GDPD5: variants seen among roughly 807,000 people sequenced by gnomAD.
The protein encoded by GDPD5 is glycerophosphodiester phosphodiesterase 2.
Under a neutral mutation model 75.1 loss-of-function variants are expected in GDPD5, and 48 were observed. The observed-to-expected ratio is 0.64, with a 90% CI of 0.51 to 0.81. The LOEUF (loss-of-function observed/expected upper bound fraction) is 0.81. Ranked by LOEUF, GDPD5 falls within the 40% of genes least tolerant of loss-of-function variation. GDPD5 has a pLI of 0.00. For synonymous variants in GDPD5, 336 were observed against 339.0 expected, an observed-to-expected ratio of 0.99 and a Z score of 0.10; for missense variants, 706 against 822.6, an observed-to-expected ratio of 0.86 and a Z score of 1.73.
chr11:75,471,042 A>G (rs189599936), intron 3 of GDPD5, among the ~76,000 whole-genome samples: 13 of 152,360 alleles, frequency 8.5e-5, no homozygotes, highest in Non-Finnish European at 1.3e-4. Flanking sequence ...ACAGAGACCA[A>G]GAGGGAGAGA....
chr11:75,456,905 T>C, intron 5 of GDPD5, 89 bp from the exon 6 acceptor site: 1 of 1,318,196 alleles, frequency 7.6e-7, no homozygotes, highest in Non-Finnish European at 1.1e-6. Context: ...CCACTGCGGC[T>C]CTGGGCCTGA....
chr11:75,445,915 C>G (rs1948974718), intron 9 of GDPD5, among the ~76,000 whole-genome samples: 2 of 152,250 alleles, frequency 1.3e-5, no homozygotes, highest in Non-Finnish European at 2.9e-5. Flanking sequence ...ACCTGGCACA[C>G]AGCAGGGTCT....
intron 1 of GDPD5, among the ~76,000 whole-genome samples, chr11:75,507,894 C>A (rs1231527044): frequency 1.3e-5 from 2 of 152,232 alleles, no homozygotes; most frequent in African/African-American, 4.8e-5. Context: ...CCTCAGCTGC[C>A]TGAGCCCTTG....
chr11:75,512,662 T>C (rs1950549627), intron 1 of GDPD5, among the ~76,000 whole-genome samples: 1 of 152,148 alleles, frequency 6.6e-6, no homozygotes, highest in African/African-American at 2.4e-5. Context: ...ACTCCTGTAA[T>C]CCCAGCACTT....
intron 1 of GDPD5, among the ~76,000 whole-genome samples, chr11:75,498,150 A>G (rs1440952592): frequency 6.6e-6 from 1 of 152,104 alleles, no homozygotes; most frequent in East Asian, 1.9e-4. Flanking sequence ...CATGGGTAAC[A>G]TCTCTTGTGA....
chr11:75,440,061 G>T, intron 14 of GDPD5, 100 bp from the exon 15 acceptor site: 1 of 847,832 alleles, frequency 1.2e-6, no homozygotes, highest in Non-Finnish European at 1.9e-6. Flanking sequence ...CATGGCCACT[G>T]GGGAAGGGCA....
chr11:75,503,083 C>T (rs139721628), intron 1 of GDPD5, among the ~76,000 whole-genome samples: 8 of 152,260 alleles, frequency 5.3e-5, no homozygotes, highest in African/African-American at 1.9e-4. Flanking sequence ...TGCAGTGGGA[C>T]ATCTCAGCTC....
At chr11:75,495,138 G>A (rs1278445453) in intron 1 of GDPD5, among the ~76,000 whole-genome samples, 2 of 151,934 alleles carry the variant, frequency 1.3e-5, no homozygotes, top group African/African-American at 2.4e-5. Flanking sequence ...GTGATGGCAC[G>A]TGCCTGTAGT....
At chr11:75,477,596 G>A (rs1158075065) in intron 3 of GDPD5, 23 bp downstream of exon 3, 1 of 1,494,206 alleles carries the variant, frequency 6.7e-7, no homozygotes, top group South Asian at 1.2e-5. Context: ...GGGTCCCTCT[G>A]ACCCTGTTCC....
rs143525939 is a variant in GDPD5 at position 75,482,073 on chromosome 11, AC to A, written c.-60-4279del. On this transcript the variant is annotated intron_variant, in intron 2 of 16. Transcript: ENST00000336898. ...CCTGCCTTCACACTCCTTTCCCGGG[AC>A]CCCCCTGCCCCTGGGACTAATTCCC... Among the ~76,000 whole-genome samples the A allele has an allele frequency of 4.3e-3, 647 of 149,452 alleles. 5 individuals carry two copies. The highest frequency in any genetic ancestry group is 0.015 in the African/African-American group (610 of 40,402).
chr11:75,448,657 C>T (rs1949049604), intron 9 of GDPD5: 1 of 1,076,258 alleles, frequency 9.3e-7, no homozygotes, highest in Admixed American at 5.6e-5. Context: ...TGCCTGGTGG[C>T]AGACCCCAGG....
intron 1 of GDPD5, among the ~76,000 whole-genome samples, chr11:75,520,359 T>C (rs1950731805): frequency 1.3e-5 from 2 of 152,164 alleles, no homozygotes; most frequent in Admixed American, 6.5e-5. Context: ...TCAGCCCCAA[T>C]GTACAGGGAA....
chr11:75,485,103 C>A (rs549557893), intron 2 of GDPD5, among the ~76,000 whole-genome samples: 5 of 152,210 alleles, frequency 3.3e-5, no homozygotes, highest in Admixed American at 1.3e-4. Flanking sequence ...AAGCTATATA[C>A]TGTATAATTC....
intron 3 of GDPD5, among the ~76,000 whole-genome samples, chr11:75,465,564 TA>T (rs940194102): frequency 2.0e-5 from 3 of 152,160 alleles, no homozygotes. Context: ...AAAGATTTGA[TA>T]ATGAAATGAT....
chr11:75,498,746 C>A (rs1470756377), intron 1 of GDPD5, among the ~76,000 whole-genome samples: 1 of 152,200 alleles, frequency 6.6e-6, no homozygotes, highest in African/African-American at 2.4e-5. Flanking sequence ...GGCACTGCCC[C>A]TTGCTGACCA....
intron 9 of GDPD5, among the ~76,000 whole-genome samples, chr11:75,446,490 C>T (rs1025349628): frequency 1.3e-5 from 2 of 152,092 alleles, no homozygotes; most frequent in Non-Finnish European, 2.9e-5. Context: ...GTGGGTGGGA[C>T]ACTATGGTTA....
intron 2 of GDPD5, among the ~76,000 whole-genome samples, chr11:75,487,684 C>T (rs1033572348): frequency 1.3e-5 from 2 of 152,198 alleles, no homozygotes; most frequent in African/African-American, 2.4e-5. Context: ...GGCCCAGAGG[C>T]GAAGGTAGAC....
At chr11:75,484,367 C>A (rs1949980016) in intron 2 of GDPD5, among the ~76,000 whole-genome samples, 1 of 152,166 alleles carries the variant, frequency 6.6e-6, no homozygotes, top group African/African-American at 2.4e-5. Context: ...GGGACAACAG[C>A]CTGGAAACCT....
chr11:75,488,948 G>C (rs565290741), intron 2 of GDPD5, among the ~76,000 whole-genome samples: 1 of 152,288 alleles, frequency 6.6e-6, no homozygotes, highest in South Asian at 2.1e-4. Flanking sequence ...GCCAGGCCCT[G>C]TCCTTGCTAG....
Sources: allele counts gnomAD v4.1 joint callset (sites outside exome capture counted in the v4.1 genomes callset), GRCh38; gene constraint gnomAD v4.1.1; transcripts MANE v1.5; gene names NCBI Gene and HGNC (gene_info 2026-07-23, HGNC 2026-07-21).